The following MMP26 variants were observed in gnomAD, a reference collection of about 807,000 sequenced individuals.
MMP26 encodes the protein matrix metalloproteinase-26.
In MMP26, 33 loss-of-function variants were observed where a neutral mutation model predicts 31.0. The observed-to-expected ratio is 1.06, with a 90% CI of 0.81 to 1.42. MMP26 has a LOEUF of 1.42. Ranked by LOEUF, MMP26 falls within the 40% of genes most tolerant of loss-of-function variation. The pLI is 0.00. For missense variants in MMP26, 347 were observed against 316.1 expected, an observed-to-expected ratio of 1.10 and a Z score of -0.74; for synonymous variants, 122 against 114.9, an observed-to-expected ratio of 1.06 and a Z score of -0.40.
chr11:4,857,511 CAAGACTA>C (rs1850072397), intron 2 of MMP26, among the ~76,000 whole-genome samples: 1 of 152,058 alleles, frequency 6.6e-6, no homozygotes, highest in South Asian at 2.1e-4. Context: ...TACTCTCTCC[CAAGACTA>C]AACCAGGAAG....
intron 2 of MMP26, among the ~76,000 whole-genome samples, chr11:4,870,540 A>ACTG (rs1160639091): frequency 6.6e-6 from 1 of 152,130 alleles, no homozygotes; most frequent in Non-Finnish European, 1.5e-5. Context: ...AAGACAAATA[A>ACTG]CTGAAAATAT....
chr11:4,946,540 C>G, intron 2 of MMP26: 1 of 1,600,984 alleles, frequency 6.2e-7, no homozygotes, highest in Non-Finnish European at 8.6e-7. Flanking sequence ...AGGCCAACTT[C>G]ATGACATCCT....
chr11:4,807,511 A>G (rs1475634954), intron 2 of MMP26, among the ~76,000 whole-genome samples: 1 of 152,036 alleles, frequency 6.6e-6, no homozygotes, highest in African/African-American at 2.4e-5. Context: ...GCAAACTGTC[A>G]CAAGGACAGA....
chr11:4,848,597 G>C, intron 2 of MMP26: 2 of 1,607,234 alleles, frequency 1.2e-6, no homozygotes, highest in Non-Finnish European at 1.7e-6. Context: ...ATAGGCTGTA[G>C]GCTGCACCCC....
chr11:4,961,917 A>G (rs528110389), intron 2 of MMP26, among the ~76,000 whole-genome samples: 29 of 152,240 alleles, frequency 1.9e-4, no homozygotes, highest in Admixed American at 4.6e-4. Context: ...AAATAATACT[A>G]TAAATCATTT....
intron 2 of MMP26, among the ~76,000 whole-genome samples, chr11:4,796,659 G>A (rs1849111679): frequency 6.6e-6 from 1 of 152,150 alleles, no homozygotes. Context: ...GTTTTACTCT[G>A]AGAAGAGAGG....
chr11:4,710,165 A>G (rs1194687503), intron 1 of MMP26: 3 of 456,646 alleles, frequency 6.6e-6, no homozygotes, highest in African/African-American at 6.0e-5. Flanking sequence ...TCAACAGTGC[A>G]TTTGGCCTGG....
intron 2 of MMP26, chr11:4,769,239 C>G: frequency 6.2e-7 from 1 of 1,613,722 alleles, no homozygotes; most frequent in South Asian, 1.1e-5. Flanking sequence ...ATTCTGAGGA[C>G]AGAGTGAATA....
intron 1 of MMP26, among the ~76,000 whole-genome samples, chr11:4,756,043 C>T (rs990341105): frequency 5.9e-5 from 9 of 151,844 alleles, no homozygotes; most frequent in African/African-American, 2.2e-4. Flanking sequence ...GCAGAACTAA[C>T]AAGAAAACAT....
chr11:4,921,081 A>G (rs534261499), intron 2 of MMP26, among the ~76,000 whole-genome samples: 70 of 152,338 alleles, frequency 4.6e-4, no homozygotes, highest in Middle Eastern at 3.4e-3. Context: ...CCATGAGCTG[A>G]GTAACAAGTT....
chr11:4,983,231 C>T (rs1323222959), intron 2 of MMP26, among the ~76,000 whole-genome samples: 2 of 152,190 alleles, frequency 1.3e-5, no homozygotes, highest in African/African-American at 4.8e-5. Flanking sequence ...TCGATGGCTC[C>T]TTGCAGCCTG....
At chr11:4,793,070 A>G (rs1490229179) in intron 2 of MMP26, among the ~76,000 whole-genome samples, 1 of 152,208 alleles carries the variant, frequency 6.6e-6, no homozygotes, top group Non-Finnish European at 1.5e-5. Flanking sequence ...TGATTCCAAT[A>G]ACCCATTTGA....
chr11:4,886,551 T>G lies in MMP26; in HGVS notation c.-144-101517T>G, dbSNP rs77049437. ...AATGTTATTCAGATAACTAATTGTT[T>G]TTCAATAAATACATGTACTGCTGTT... On this transcript the variant is annotated intron_variant, in intron 2 of 7. Coordinates refer to ENST00000380390, the MANE Select transcript of MMP26 (RefSeq NM_021801.5). Among the ~76,000 whole-genome samples, 735 of 152,006 alleles carry G rather than the reference T, an allele frequency of 4.8e-3. 6 individuals carry two copies. Among genetic ancestry groups the G allele is most frequent in the African/African-American group, 0.016 (667 of 41,530 alleles).
chr11:4,981,222 A>T (rs528523736), intron 2 of MMP26, among the ~76,000 whole-genome samples: 1 of 152,224 alleles, frequency 6.6e-6, no homozygotes, highest in Admixed American at 6.5e-5. Flanking sequence ...TTTATAAAAC[A>T]TATAGGTGTG....
chr11:4,809,030 AG>A (rs1205521728), intron 2 of MMP26, among the ~76,000 whole-genome samples: 1 of 151,766 alleles, frequency 6.6e-6, no homozygotes, highest in Non-Finnish European at 1.5e-5. Flanking sequence ...CCAGCATGTG[AG>A]GTTTTCAACA....
intron 2 of MMP26, among the ~76,000 whole-genome samples, chr11:4,961,369 G>T (rs185841266): frequency 1.3e-5 from 2 of 152,276 alleles, no homozygotes; most frequent in East Asian, 3.9e-4. Flanking sequence ...ATGGTGCCCA[G>T]CAACATTGAG....
chr11:4,789,196 TTG>T (rs1848987993), intron 2 of MMP26, among the ~76,000 whole-genome samples: 1 of 152,216 alleles, frequency 6.6e-6, no homozygotes. Flanking sequence ...TTAGAGATTG[TTG>T]TGTTTCTATG....
intron 2 of MMP26, among the ~76,000 whole-genome samples, chr11:4,958,247 T>C (rs1846470903): frequency 6.6e-6 from 1 of 152,214 alleles, no homozygotes; most frequent in Admixed American, 6.5e-5. Context: ...TGTCCAGAAT[T>C]TGGAAAAGTG....
chr11:4,762,781 T>C (rs1267101986), intron 1 of MMP26, among the ~76,000 whole-genome samples: 1 of 152,194 alleles, frequency 6.6e-6, no homozygotes, highest in East Asian at 1.9e-4. Context: ...AAATAGTTCA[T>C]GTATTTTCTT....
Sources: allele counts gnomAD v4.1 joint callset (sites outside exome capture counted in the v4.1 genomes callset), GRCh38; gene constraint gnomAD v4.1.1; transcripts MANE v1.5; gene names NCBI Gene and HGNC (gene_info 2026-07-23, HGNC 2026-07-21).